CPEB3: variants seen among roughly 807,000 people sequenced by gnomAD.
The protein encoded by CPEB3 is cytoplasmic polyadenylation element-binding protein 3.
CPEB3 carries 20 observed loss-of-function variants against 67.2 expected under a neutral mutation model. The ratio of observed to expected loss-of-function variants is 0.30; its 90% confidence interval spans 0.21 to 0.43. The LOEUF (loss-of-function observed/expected upper bound fraction) is 0.43, where lower values mean the gene tolerates loss of function less well. Among genes scored for constraint, CPEB3 ranks in the 20% least tolerant of loss-of-function variants. The pLI is 1.00. For synonymous variants in CPEB3, 376 were observed against 393.1 expected, an observed-to-expected ratio of 0.96 and a Z score of 0.51; for missense variants, 746 against 968.6, an observed-to-expected ratio of 0.77 and a Z score of 3.05.
chr10:92,257,852 C>A (rs1233324526), intron 1 of CPEB3, among the ~76,000 whole-genome samples: 3 of 151,494 alleles, frequency 2.0e-5, no homozygotes, highest in African/African-American at 7.3e-5. Flanking sequence ...GCCTCAGCCC[C>A]CTGAGTAGCT....
chr10:92,289,804 T>C (rs1160115575), intron 1 of CPEB3, among the ~76,000 whole-genome samples: 3 of 141,866 alleles, frequency 2.1e-5, no homozygotes, highest in Non-Finnish European at 4.6e-5. Context: ...ATTATAAATG[T>C]ATTATATATT....
chr10:92,202,947 CT>C (rs558484576), intron 2 of CPEB3, among the ~76,000 whole-genome samples: 220 of 142,258 alleles, frequency 1.5e-3, no homozygotes, highest in African/African-American at 1.8e-3. Flanking sequence ...TATTTTTAAG[CT>C]TTTTTTTTTT....
At chr10:92,267,851 G>A (rs570885118) in intron 1 of CPEB3, among the ~76,000 whole-genome samples, 5 of 152,198 alleles carry the variant, frequency 3.3e-5, no homozygotes, top group South Asian at 2.1e-4. Flanking sequence ...ATGTAGTCTC[G>A]CTCTGTTGCC....
chr10:92,110,409 G>A (rs539572611), intron 7 of CPEB3, among the ~76,000 whole-genome samples: 24 of 152,292 alleles, frequency 1.6e-4, no homozygotes, highest in African/African-American at 5.1e-4. Flanking sequence ...CGTTTATTCT[G>A]CTCTGAACAT....
At chr10:92,066,999 A>C (rs766520864) in intron 9 of CPEB3, among the ~76,000 whole-genome samples, 12 of 151,932 alleles carry the variant, frequency 7.9e-5, no homozygotes, top group Non-Finnish European at 1.6e-4. Flanking sequence ...CAGTGAGTCG[A>C]GATCACGCCA....
At position 92,123,651 on chromosome 10, in the gene CPEB3, CTG is replaced by C. The variant is rs1342107404; in HGVS notation, c.1454-12459_1454-12458del. On this transcript the variant is annotated intron_variant, in intron 6 of 9. Coordinates refer to ENST00000265997, the MANE Select transcript of CPEB3 (RefSeq NM_014912.5). ...TCAGTCAGCAAACAACTGGGGAACT[CTG>C]TTTCAATCCAGGTGATGCTCTCCTA... 2.6e-5 allele frequency among the ~76,000 whole-genome samples: 4 copies of C among 152,324 alleles called. No homozygotes were observed. The South Asian group carries it at 8.3e-4, about 32-fold the overall frequency.
intron 9 of CPEB3, among the ~76,000 whole-genome samples, chr10:92,074,279 T>G (rs1842861534): frequency 6.6e-6 from 1 of 152,156 alleles, no homozygotes. Flanking sequence ...ATTCATTCAC[T>G]ATAATAACTC....
Position 92,240,224 on chromosome 10 carries a change from C to CT in CPEB3, c.126dup (p.Glu43ArgfsTer279). 1 of 1,509,170 alleles carries CT rather than the reference C, an allele frequency of 6.6e-7. No homozygotes were observed. Among genetic ancestry groups the CT allele is most frequent in the Non-Finnish European group, 8.9e-7 (1 of 1,126,720 alleles). 93.5% of individuals were successfully genotyped at this position (1,509,170 alleles called of 1,614,324 possible). ...CTGTTTTCCTCCGGCTTGGGGGTCT[C>CT]TGAGGAGAGGGGCGTGGACGGGGCT... On this transcript the variant is annotated frameshift_variant, in exon 2 of 10. Coordinates refer to ENST00000265997, the MANE Select transcript of CPEB3 (RefSeq NM_014912.5). LOFTEE classifies it high-confidence loss of function.
intron 2 of CPEB3, among the ~76,000 whole-genome samples, chr10:92,218,927 A>T (rs1237448067): frequency 1.3e-5 from 2 of 152,038 alleles, no homozygotes; most frequent in Non-Finnish European, 2.9e-5. Flanking sequence ...GTGAACATAG[A>T]CCTATAGTGC....
chr10:92,070,245 G>T (rs2133123035), intron 9 of CPEB3, among the ~76,000 whole-genome samples: 1 of 152,264 alleles, frequency 6.6e-6, no homozygotes, highest in South Asian at 2.1e-4. Context: ...TCACAATGAA[G>T]ATTAGTATAT....
At chr10:92,135,947 T>C (rs540950705) in intron 6 of CPEB3, among the ~76,000 whole-genome samples, 3 of 140,388 alleles carry the variant, frequency 2.1e-5, no homozygotes, top group African/African-American at 8.1e-5. Flanking sequence ...CACTCATAGG[T>C]GGGAATTGAA....
chr10:92,281,380 C>T (rs1842289291), intron 1 of CPEB3, among the ~76,000 whole-genome samples: 1 of 151,848 alleles, frequency 6.6e-6, no homozygotes, highest in Non-Finnish European at 1.5e-5. Flanking sequence ...AGGCGTGAGC[C>T]ACCACGCTGG....
At chr10:92,249,614 C>T (rs1300084510) in intron 1 of CPEB3, among the ~76,000 whole-genome samples, 1 of 151,382 alleles carries the variant, frequency 6.6e-6, no homozygotes, top group Non-Finnish European at 1.5e-5. Flanking sequence ...CACCATTGCA[C>T]TCCAGCCTGG....
chr10:92,142,854 G>C (rs922866248), intron 6 of CPEB3, among the ~76,000 whole-genome samples, 175 bp downstream of exon 6: 3 of 152,154 alleles, frequency 2.0e-5, no homozygotes, highest in African/African-American at 7.2e-5. Context: ...TGTGCTTCAG[G>C]GGAAGAGTCT....
At chr10:92,197,872 G>A (rs1048483663) in intron 2 of CPEB3, among the ~76,000 whole-genome samples, 3 of 152,176 alleles carry the variant, frequency 2.0e-5, no homozygotes, top group Non-Finnish European at 4.4e-5. Context: ...ACTTTGGGAG[G>A]CCGAGGTGGG....
At chr10:92,218,106 T>C (rs1850519785) in intron 2 of CPEB3, among the ~76,000 whole-genome samples, 1 of 151,936 alleles carries the variant, frequency 6.6e-6, no homozygotes, top group South Asian at 2.1e-4. Flanking sequence ...AGTGAGACCC[T>C]ATCTCAAAAA....
At chr10:92,059,058 G>A (rs1842229109) in intron 9 of CPEB3, among the ~76,000 whole-genome samples, 2 of 152,156 alleles carry the variant, frequency 1.3e-5, no homozygotes. Context: ...GGGGCACAGT[G>A]GCTCATGCCT....
chr10:92,223,120 T>G (rs1262047977), intron 2 of CPEB3, among the ~76,000 whole-genome samples: 1 of 152,176 alleles, frequency 6.6e-6, no homozygotes, highest in Non-Finnish European at 1.5e-5. Context: ...ACATGACTAA[T>G]CAACTAATAC....
chr10:92,240,374 AAAAG>A lies in CPEB3; in HGVS notation c.-11-17_-11-14del. The A allele has an allele frequency of 6.9e-7, 1 of 1,438,952 alleles. No individual in the cohort carries two copies. Among genetic ancestry groups the A allele is most frequent in the Non-Finnish European group, 9.2e-7 (1 of 1,091,744 alleles). 89.1% of individuals were successfully genotyped at this position (1,438,952 alleles called of 1,614,324 possible). A position where few individuals can be genotyped will look rare whatever the true frequency, so the allele number is the denominator to read the frequency against. Reference sequence around the variant, plus strand: ...ATGGTTTGCGCAGCTGAAACGGGAAAAAAGAGAGACGCGTTATTGTCAATGTGAT... The same window carrying A: ...ATGGTTTGCGCAGCTGAAACGGGAAAAGAGACGCGTTATTGTCAATGTGAT... On this transcript the variant is annotated splice_polypyrimidine_tract_variant and intron_variant, in intron 1 of 9. Transcript: ENST00000265997.
Sources: gnomAD v4.1 joint callset for allele counts (sites outside exome capture counted in the v4.1 genomes callset) on GRCh38, gnomAD v4.1.1 for gene constraint, MANE v1.5 for transcripts, NCBI Gene and HGNC (gene_info 2026-07-23, HGNC 2026-07-21) for gene names.